Variants in PHF24 observed in about 807,000 individuals in gnomAD.
PHF24 encodes the protein Galpha inhibitory interacting protein.
A neutral mutation model predicts 42.6 loss-of-function variants in PHF24; 25 were observed. The observed-to-expected ratio is 0.59, with a 90% CI of 0.43 to 0.82. The LOEUF (loss-of-function observed/expected upper bound fraction) is 0.82. PHF24 is among the 40% of genes least tolerant of loss of function. The probability of loss-of-function intolerance (pLI) is 0.00; values close to 1 mark genes in which losing one functional copy is unlikely to be tolerated. For synonymous variants in PHF24, 185 were observed against 204.8 expected (o/e 0.90, Z 0.83); for missense variants, 470 against 538.1 (o/e 0.87, Z 1.25).
the PHF24 span, among the ~76,000 whole-genome samples, chr9:34,920,125 C>G: frequency 6.6e-6 from 1 of 152,160 alleles, no homozygotes; most frequent in Non-Finnish European, 1.5e-5. Flanking sequence ...TTCTGAGGAA[C>G]CTCCATACAG....
the PHF24 span, among the ~76,000 whole-genome samples, chr9:34,777,823 G>A: frequency 6.6e-6 from 1 of 152,110 alleles, no homozygotes; most frequent in African/African-American, 2.4e-5. Context: ...AGCTGTTTAG[G>A]TCTCAGGGAC....
At chr9:34,861,431 A>C in the PHF24 span, among the ~76,000 whole-genome samples, 2 of 152,332 alleles carry the variant, frequency 1.3e-5, no homozygotes, top group Non-Finnish European at 2.9e-5. Context: ...CTGCCAGAGC[A>C]AATTTCAATA....
the PHF24 span, chr9:34,893,148 C>T: frequency 1.6e-6 from 1 of 632,006 alleles, no homozygotes; most frequent in Non-Finnish European, 2.5e-6. Context: ...GGAAGCCAGC[C>T]CTGGCTGGGA....
At chr9:34,925,542 T>A in the PHF24 span, among the ~76,000 whole-genome samples, 1 of 152,142 alleles carries the variant, frequency 6.6e-6, no homozygotes, top group Admixed American at 6.5e-5. Flanking sequence ...TTCTTCTTTC[T>A]TCTGCTTGGT....
the PHF24 span, among the ~76,000 whole-genome samples, chr9:34,775,254 C>A: frequency 6.6e-6 from 1 of 152,028 alleles, no homozygotes; most frequent in Non-Finnish European, 1.5e-5. Flanking sequence ...CATGGATGAA[C>A]CTTGAAGATT....
the PHF24 span, among the ~76,000 whole-genome samples, chr9:34,840,937 A>G: frequency 6.6e-6 from 1 of 152,068 alleles, no homozygotes; most frequent in Non-Finnish European, 1.5e-5. Flanking sequence ...GGGTGTGTGC[A>G]TTTTCAATGT....
At chr9:34,671,852 CATGT>C in the PHF24 span, among the ~76,000 whole-genome samples, 2 of 148,480 alleles carry the variant, frequency 1.3e-5, no homozygotes, top group South Asian at 4.3e-4. Flanking sequence ...TCCATCCATC[CATGT>C]GTCTATATGT....
At chr9:34,936,414 C>G in the PHF24 span, among the ~76,000 whole-genome samples, 2 of 152,304 alleles carry the variant, frequency 1.3e-5, no homozygotes, top group African/African-American at 4.8e-5. Flanking sequence ...GATCTCGGCT[C>G]GCTACAACCT....
chr9:34,894,197 G>A, the PHF24 span, among the ~76,000 whole-genome samples: 1 of 152,122 alleles, frequency 6.6e-6, no homozygotes, highest in East Asian at 1.9e-4. Flanking sequence ...TTATACACTA[G>A]TACAAGCCTG....
At chr9:34,893,064 T>A in the PHF24 span, 1 of 972,004 alleles carries the variant, frequency 1.0e-6, no homozygotes, top group East Asian at 2.6e-5. Flanking sequence ...AATTGCTTAA[T>A]CTCCAGAGCC....
chr9:34,950,495 T>C, the PHF24 span, among the ~76,000 whole-genome samples: 1 of 151,966 alleles, frequency 6.6e-6, no homozygotes, highest in Admixed American at 6.6e-5. Context: ...AAATAGCCCA[T>C]GTGTCAGAGA....
the PHF24 span, chr9:34,922,672 T>A: frequency 7.8e-7 from 1 of 1,274,256 alleles, no homozygotes; most frequent in Non-Finnish European, 1.1e-6. Context: ...CAGTTTTCTC[T>A]CTGTATTCTT....
chr9:34,777,001 G>T, the PHF24 span, among the ~76,000 whole-genome samples: 1 of 152,170 alleles, frequency 6.6e-6, no homozygotes, highest in African/African-American at 2.4e-5. Flanking sequence ...AGTGGTATCT[G>T]TAATTTCCTC....
chr9:34,912,742 A>G, the PHF24 span, among the ~76,000 whole-genome samples: 2 of 152,338 alleles, frequency 1.3e-5, no homozygotes, highest in African/African-American at 4.8e-5. Flanking sequence ...AACAACCAAC[A>G]TTCTGCAGAG....
chr9:34,784,575 T>G, the PHF24 span, among the ~76,000 whole-genome samples: 1 of 152,214 alleles, frequency 6.6e-6, no homozygotes, highest in South Asian at 2.1e-4. Flanking sequence ...TTCTGACCTT[T>G]AATTTTCCAT....
chr9:34,851,735 G>A, the PHF24 span, among the ~76,000 whole-genome samples: 1 of 152,028 alleles, frequency 6.6e-6, no homozygotes, highest in South Asian at 2.1e-4. Flanking sequence ...TTCCTATTCG[G>A]TCATCTTGGC....
At chr9:34,817,301 G>A in the PHF24 span, among the ~76,000 whole-genome samples, 1 of 152,030 alleles carries the variant, frequency 6.6e-6, no homozygotes, top group South Asian at 2.1e-4. Context: ...CTGGAGTGTA[G>A]TGGCACAATC....
At chr9:34,910,963 T>C in the PHF24 span, among the ~76,000 whole-genome samples, 3 of 152,032 alleles carry the variant, frequency 2.0e-5, no homozygotes, top group Non-Finnish European at 4.4e-5. Flanking sequence ...GCTGGGACTA[T>C]AGACACACAT....
the PHF24 span, among the ~76,000 whole-genome samples, chr9:34,841,391 G>T: frequency 6.6e-6 from 1 of 152,154 alleles, no homozygotes; most frequent in African/African-American, 2.4e-5. Context: ...CGTGAATAAT[G>T]TTCAAGTGAA....
Sources: gnomAD v4.1 joint callset for allele counts (sites outside exome capture counted in the v4.1 genomes callset) on GRCh38, gnomAD v4.1.1 for gene constraint, MANE v1.5 for transcripts, NCBI Gene and HGNC (gene_info 2026-07-23, HGNC 2026-07-21) for gene names.